The following ASTN2 variants were observed in gnomAD, a reference collection of about 807,000 sequenced individuals.
The protein encoded by ASTN2 is astrotactin 2.
Under a neutral mutation model 139.8 loss-of-function variants are expected in ASTN2, and 54 were observed. The ratio of observed to expected loss-of-function variants is 0.39; its 90% CI spans 0.31 to 0.48. The LOEUF is 0.48. Ranked by LOEUF, ASTN2 falls within the 20% of genes least tolerant of loss-of-function variation. The probability of loss-of-function intolerance (pLI) is 0.95; values close to 1 mark genes in which losing one functional copy is unlikely to be tolerated. For missense variants in ASTN2, 1,565 were observed against 1,725.1 expected, an observed-to-expected ratio of 0.91 and a Z score of 1.64; for synonymous variants, 756 against 719.5, an observed-to-expected ratio of 1.05 and a Z score of -0.81.
chr9:117,220,717 A>G (rs765550390), intron 2 of ASTN2, among the ~76,000 whole-genome samples: 7 of 152,174 alleles, frequency 4.6e-5, no homozygotes, highest in Non-Finnish European at 1.0e-4. Flanking sequence ...TGCTGACATC[A>G]TGATTTTGGA....
chr9:116,998,347 A>C (rs1276223164), intron 7 of ASTN2, among the ~76,000 whole-genome samples: 8 of 152,280 alleles, frequency 5.3e-5, no homozygotes, highest in Non-Finnish European at 1.2e-4. Flanking sequence ...TGAGTTCAGA[A>C]AAGACCAGTG....
intron 19 of ASTN2, among the ~76,000 whole-genome samples, chr9:116,492,719 G>C (rs188261410): frequency 6.6e-6 from 1 of 152,088 alleles, no homozygotes; most frequent in African/African-American, 2.4e-5. Flanking sequence ...CAATTACTAC[G>C]CACCAGACAC....
intron 5 of ASTN2, among the ~76,000 whole-genome samples, chr9:117,058,985 T>G (rs1349074537): frequency 6.6e-6 from 1 of 152,142 alleles, no homozygotes; most frequent in Non-Finnish European, 1.5e-5. Flanking sequence ...GAGTTTGATC[T>G]TAATTATGAA....
chr9:116,634,119 G>C (rs554168381), intron 17 of ASTN2, among the ~76,000 whole-genome samples: 1 of 152,196 alleles, frequency 6.6e-6, no homozygotes, highest in South Asian at 2.1e-4. Flanking sequence ...TTCACTTTCT[G>C]CCTGTATAAA....
intron 10 of ASTN2, among the ~76,000 whole-genome samples, chr9:116,947,930 TTTTAGTCTTTAAA>T (rs67157991): frequency 0.21 from 32,257 of 152,050 alleles, 3,538 homozygotes; most frequent in Admixed American, 0.28. Context: ...AGGTAATGTC[TTTTAGTCTTTAAA>T]TTCAGAATGT....
chr9:116,565,406 T>TCC, intron 19 of ASTN2, among the ~76,000 whole-genome samples: 2 of 101,744 alleles, frequency 2.0e-5, no homozygotes, highest in African/African-American at 3.9e-5. Context: ...TATATATATA[T>TCC]ATATATATAT....
intron 2 of ASTN2, among the ~76,000 whole-genome samples, chr9:117,275,990 T>C (rs544225078): frequency 6.6e-6 from 1 of 152,274 alleles, no homozygotes; most frequent in East Asian, 1.9e-4. Flanking sequence ...GGAACACAAT[T>C]CAGTCCATAA....
chr9:116,638,012 C>A (rs903594856), intron 17 of ASTN2, among the ~76,000 whole-genome samples: 29 of 152,146 alleles, frequency 1.9e-4, no homozygotes, highest in African/African-American at 6.5e-4. Context: ...GGTCACTCAG[C>A]AAACCATTCC....
At chr9:117,016,600 ATATCTATATCTATATCTATC>A (rs1255413721) in intron 6 of ASTN2, among the ~76,000 whole-genome samples, 1 of 6,458 alleles carries the variant, frequency 1.5e-4, no homozygotes, top group Non-Finnish European at 3.6e-4. Context: ...TTTTATATAT[ATATCTATATCTATATCTATC>A]TATCTATATA....
chr9:116,616,452 A>G (rs1351095283), intron 19 of ASTN2, among the ~76,000 whole-genome samples: 1 of 152,196 alleles, frequency 6.6e-6, no homozygotes, highest in Non-Finnish European at 1.5e-5. Flanking sequence ...CATAGTCTAT[A>G]AGAACAAGCA....
chr9:116,513,323 T>C (rs1850488030), intron 19 of ASTN2, among the ~76,000 whole-genome samples: 1 of 152,246 alleles, frequency 6.6e-6, no homozygotes, highest in African/African-American at 2.4e-5. Flanking sequence ...ATGTTGAATA[T>C]TGGCCCCCAC....
chr9:117,189,167 C>T (rs1480294383), intron 3 of ASTN2, among the ~76,000 whole-genome samples: 1 of 152,190 alleles, frequency 6.6e-6, no homozygotes, highest in Non-Finnish European at 1.5e-5. Flanking sequence ...AACAACGGCA[C>T]TTAAAAGTGC....
At chr9:116,735,382 T>C (rs1260806773) in intron 13 of ASTN2, among the ~76,000 whole-genome samples, 1 of 152,230 alleles carries the variant, frequency 6.6e-6, no homozygotes. Context: ...CCACATAGCA[T>C]ATAACCCTAG....
At chr9:116,512,206 T>C (rs1463900028) in intron 19 of ASTN2, among the ~76,000 whole-genome samples, 3 of 152,244 alleles carry the variant, frequency 2.0e-5, no homozygotes, top group Admixed American at 6.5e-5. Flanking sequence ...GTTATGTCTT[T>C]GTTCTCGTTG....
intron 15 of ASTN2, among the ~76,000 whole-genome samples, chr9:116,728,196 T>A (rs1403098105): frequency 6.6e-6 from 1 of 152,148 alleles, no homozygotes; most frequent in Non-Finnish European, 1.5e-5. Flanking sequence ...TTGTTAGTTT[T>A]GGAGATACTG....
intron 13 of ASTN2, among the ~76,000 whole-genome samples, chr9:116,776,280 G>A (rs1308469252): frequency 1.3e-5 from 2 of 152,146 alleles, no homozygotes; most frequent in Admixed American, 6.5e-5. Flanking sequence ...AGGGTGAGGG[G>A]ACTATCATTA....
chr9:117,266,096 A>G (rs1470144840), intron 2 of ASTN2, among the ~76,000 whole-genome samples: 2 of 152,310 alleles, frequency 1.3e-5, no homozygotes, highest in East Asian at 3.9e-4. Flanking sequence ...GTTTATACAC[A>G]TTCCTGCACT....
chr9:116,870,561 T>A (rs1426810392), intron 10 of ASTN2, among the ~76,000 whole-genome samples: 1 of 152,142 alleles, frequency 6.6e-6, no homozygotes, highest in Non-Finnish European at 1.5e-5. Flanking sequence ...GTTCCAAACA[T>A]CTCTCTATCT....
At chr9:116,509,953 G>T (rs950644253) in intron 19 of ASTN2, among the ~76,000 whole-genome samples, 1 of 152,122 alleles carries the variant, frequency 6.6e-6, no homozygotes, top group African/African-American at 2.4e-5. Context: ...CCATTCTGTA[G>T]GTTGTCTGTT....
Sources: allele counts gnomAD v4.1 joint callset (sites outside exome capture counted in the v4.1 genomes callset), GRCh38; gene constraint gnomAD v4.1.1; transcripts MANE v1.5; gene names NCBI Gene and HGNC (gene_info 2026-07-23, HGNC 2026-07-21).